Variants in PRKD3 observed in about 807,000 individuals in gnomAD.
The protein encoded by PRKD3 is protein kinase D3.
In PRKD3, 47 loss-of-function variants were observed where a neutral mutation model predicts 99.2. The ratio of observed to expected loss-of-function variants is 0.47; its 90% CI spans 0.38 to 0.60. PRKD3 has a LOEUF of 0.60. Ranked by LOEUF, PRKD3 falls within the 20% of genes least tolerant of loss-of-function variation. The probability of loss-of-function intolerance (pLI) is 0.00; values close to 1 mark genes in which losing one functional copy is unlikely to be tolerated. For missense variants in PRKD3, 1,019 were observed against 1,088.4 expected (o/e 0.94, Z 0.90); for synonymous variants, 392 against 355.4 (o/e 1.10, Z -1.16).
At chr2:37,314,781 A>C (rs1171206821) in intron 2 of PRKD3, among the ~76,000 whole-genome samples, 1 of 152,190 alleles carries the variant, frequency 6.6e-6, no homozygotes, top group East Asian at 1.9e-4. Context: ...TTTAAAAATT[A>C]AATAAAAAAA....
rs572341720 is a variant in PRKD3, at chr2:37,314,772, T to C, written c.288+1465A>G. On this transcript the variant is annotated intron_variant, in intron 2 of 18. Transcript: ENST00000234179. ...TTAAGTTACAAATATGTATTTAAGTTTAAAAATTAAATAAAAAAATTACAA... is the reference window on the plus strand; with the variant it reads ...TTAAGTTACAAATATGTATTTAAGTCTAAAAATTAAATAAAAAAATTACAA... Among the ~76,000 whole-genome samples, 74 of 152,178 alleles carry C rather than the reference T, an allele frequency of 4.9e-4. No individual in the cohort carries two copies. In the South Asian group the frequency reaches 0.015, roughly 31 times the overall value.
chr2:37,259,019 G>T (rs553301557), intron 16 of PRKD3, among the ~76,000 whole-genome samples: 83 of 150,298 alleles, frequency 5.5e-4, no homozygotes, highest in Non-Finnish European at 9.0e-4. Context: ...CATAGGTCAT[G>T]CAATAAATTT....
At chr2:37,320,449 T>TTTTG (rs59526850) in intron 1 of PRKD3, among the ~76,000 whole-genome samples, 1 of 123,400 alleles carries the variant, frequency 8.1e-6, no homozygotes, top group East Asian at 2.5e-4. Flanking sequence ...TTTTTTTTTT[T>TTTTG]GAGACAGAGA....
chr2:37,298,651 A>G (rs1169800280), intron 2 of PRKD3, among the ~76,000 whole-genome samples: 1 of 151,996 alleles, frequency 6.6e-6, no homozygotes, highest in Non-Finnish European at 1.5e-5. Context: ...TCTTTGGTTA[A>G]GCTTATTCCT....
rs567877511 is a variant in PRKD3 at position 37,259,369 on chromosome 2, G to A, written c.2145+214C>T. Among the ~76,000 whole-genome samples the A allele has an allele frequency of 1.7e-4, 26 of 152,346 alleles. No individual in the cohort carries two copies. In the South Asian group the frequency reaches 4.6e-3, roughly 27 times the overall value. Reference sequence around the variant, plus strand: ...AGGTGAATTGCAGAATCTATGTGCAGTTAAATCTTAAAAAATCTTGAATAT... The same window carrying A: ...AGGTGAATTGCAGAATCTATGTGCAATTAAATCTTAAAAAATCTTGAATAT... On this transcript the variant is annotated intron_variant, in intron 16 of 18. Coordinates refer to ENST00000234179, the MANE Select transcript of PRKD3 (RefSeq NM_005813.6).
At position 37,286,308 on chromosome 2, in the gene PRKD3, A is replaced by G; in HGVS notation, c.779T>C (p.Met260Thr). 6.2e-7 allele frequency: 1 copy of G among 1,614,102 alleles called. No individual in the cohort carries two copies. The highest frequency in any genetic ancestry group is 2.2e-5 in the East Asian group (1 of 44,882). ...IPSWSGRPIW[M>T]EKMVMCRVKV... ...CACTCTGCACATTACCATCTTTTCC[A>G]TCCAGATTGGGCGACCACTCCAAGA... The change falls in exon 6 of 19, where the codon ATG becomes ACG. Residue 260 changes from methionine to threonine, a missense_variant. This residue lies in a region of PRKD3 where 710 missense variants were observed against 692.7 expected (regional missense o/e 1.02). Transcript: ENST00000234179.
chr2:37,260,401 A>C lies in PRKD3; in HGVS notation c.1885-17T>G, dbSNP rs377328154. On this transcript the variant is annotated splice_polypyrimidine_tract_variant and intron_variant, in intron 14 of 18. Transcript: ENST00000234179. ...GTGCAAATTCTGAAGAGAGGTTGCA[A>C]GATACATGAGCAACTTAAGCAGAGA... 3.4e-5 allele frequency: 55 copies of C among 1,598,394 alleles called. No homozygotes were observed. The highest frequency in any genetic ancestry group is 4.5e-5 in the Non-Finnish European group (52 of 1,165,988).
intron 1 of PRKD3, among the ~76,000 whole-genome samples, chr2:37,320,873 T>C (rs1671859152): frequency 6.6e-6 from 1 of 152,182 alleles, no homozygotes; most frequent in Non-Finnish European, 1.5e-5. Flanking sequence ...ACACTACATA[T>C]AAAAATGATT....
At chr2:37,282,460 A>T in intron 7 of PRKD3, 82 bp downstream of exon 7, 1 of 919,794 alleles carries the variant, frequency 1.1e-6, no homozygotes, top group Non-Finnish European at 1.7e-6. Flanking sequence ...AATCAGGAAA[A>T]CAGAACCTTA....
chr2:37,254,734 C>T (rs1667798984), intron 17 of PRKD3, among the ~76,000 whole-genome samples: 1 of 152,136 alleles, frequency 6.6e-6, no homozygotes, highest in Admixed American at 6.5e-5. Context: ...TCTGATCCTC[C>T]CCACCCCGCT....
In PRKD3 at chr2:37,252,862, T is replaced by TAA. The variant is rs1553363039; in HGVS notation, c.*313_*314dup. 2.0e-5 allele frequency: 3 copies of TAA among 148,824 alleles called. No homozygotes were observed. The highest frequency in any genetic ancestry group is 4.9e-5 in the African/African-American group (2 of 40,890). 9.2% of individuals were successfully genotyped at this position (148,824 alleles called of 1,614,324 possible). On this transcript the variant is annotated 3_prime_UTR_variant, in exon 19 of 19. Coordinates refer to ENST00000234179, the MANE Select transcript of PRKD3 (RefSeq NM_005813.6). ...ATATTTATATTTATATATATATATA[T>TAA]AAAGAGAAATGGGAAGACAAATTAA...
chr2:37,314,250 C>T (rs978082945), intron 2 of PRKD3, among the ~76,000 whole-genome samples: 14 of 152,176 alleles, frequency 9.2e-5, no homozygotes, highest in Non-Finnish European at 1.5e-5. Flanking sequence ...GAGAGTTCCT[C>T]TTGAGGAAAA....
chr2:37,265,307 C>T (rs1436926197), intron 14 of PRKD3, among the ~76,000 whole-genome samples: 1 of 152,142 alleles, frequency 6.6e-6, no homozygotes, highest in Non-Finnish European at 1.5e-5. Flanking sequence ...AGCTGTGATG[C>T]TCACATAACT....
chr2:37,299,681 TCAA>T (rs1558568506), intron 2 of PRKD3, among the ~76,000 whole-genome samples: 1 of 151,634 alleles, frequency 6.6e-6, no homozygotes, highest in African/African-American at 2.4e-5. Context: ...CTCAAATGAC[TCAA>T]CAACAACAAA....
rs371696914 is a variant in PRKD3 at position 37,256,822 on chromosome 2, T to C, written c.2253A>G (p.Lys751=). ...ACATATCTAGGGAACGGTTGTAACC[T>C]TTGCTCCGGAGAACTTCAGGGGCTA... is the stretch of plus-strand genomic sequence containing the variant. The part of the protein sequence containing the change: ...AYLAPEVLRS[K]GYNRSLDMWS... Residue 751 remains lysine, a synonymous_variant, in exon 17 of 19, where the codon AAA becomes AAG. Transcript: ENST00000234179. 16 of 1,613,948 alleles carry C rather than the reference T, an allele frequency of 9.9e-6. No homozygotes were observed. The African/African-American group carries it at 2.1e-4, about 22-fold the overall frequency.
intron 17 of PRKD3, among the ~76,000 whole-genome samples, chr2:37,255,309 GAAA>G (rs869154365): frequency 2.0e-5 from 2 of 99,040 alleles, no homozygotes; most frequent in African/African-American, 8.9e-5. Context: ...AGTACTTTTG[GAAA>G]AACAAAAAAG....
At chr2:37,300,589 T>C (rs1342343113) in intron 2 of PRKD3, among the ~76,000 whole-genome samples, 1 of 152,240 alleles carries the variant, frequency 6.6e-6, no homozygotes, top group African/African-American at 2.4e-5. Context: ...CCAATTACCC[T>C]CATTTGATCA....
chr2:37,297,509 A>G (rs1670725843), intron 2 of PRKD3, among the ~76,000 whole-genome samples: 1 of 152,164 alleles, frequency 6.6e-6, no homozygotes, highest in African/African-American at 2.4e-5. Context: ...ACTAAGGCTC[A>G]TACTTTATTC....
At chr2:37,295,010 G>A (rs1670611778) in intron 2 of PRKD3, among the ~76,000 whole-genome samples, 1 of 152,214 alleles carries the variant, frequency 6.6e-6, no homozygotes, top group East Asian at 1.9e-4. Flanking sequence ...GGGAGACAGA[G>A]GTTGCTGTGA....
Sources: allele counts gnomAD v4.1 joint callset (sites outside exome capture counted in the v4.1 genomes callset), GRCh38; gene constraint gnomAD v4.1.1; regional missense constraint gnomAD v4.1.1; transcripts MANE v1.5; gene names NCBI Gene and HGNC (gene_info 2026-07-23, HGNC 2026-07-21).